Variants in CGNL1 observed in about 807,000 individuals in gnomAD.
The protein encoded by CGNL1 is cingulin like 1, also known as cingulin-like protein 1.
Under a neutral mutation model 141.2 loss-of-function variants are expected in CGNL1, and 132 were observed. The observed-to-expected ratio is 0.93, with a 90% CI of 0.81 to 1.08. The LOEUF is 1.08. Among genes scored for constraint, CGNL1 ranks in the 50% least tolerant of loss-of-function variants. The pLI is 0.00. For missense variants in CGNL1, 1,870 were observed against 1,588.6 expected, an observed-to-expected ratio of 1.18 and a Z score of -3.01; for synonymous variants, 690 against 622.1, an observed-to-expected ratio of 1.11 and a Z score of -1.63.
At chr15:57,446,901 C>G (rs1276965089) in intron 4 of CGNL1, among the ~76,000 whole-genome samples, 1 of 152,140 alleles carries the variant, frequency 6.6e-6, no homozygotes, top group Non-Finnish European at 1.5e-5. Context: ...ACTTGTCTCT[C>G]CTTACACTAC....
intron 10 of CGNL1, among the ~76,000 whole-genome samples, chr15:57,519,967 C>G (rs1037254788): frequency 6.6e-5 from 10 of 152,178 alleles, no homozygotes; most frequent in Non-Finnish European, 1.3e-4. Context: ...CAGGTGATGG[C>G]CTTGGGGCCT....
In CGNL1 at chr15:57,546,258, C is replaced by T. The variant is rs2032862309; in HGVS notation, c.3773+19C>T. The stretch of plus-strand genomic sequence containing the variant: ...ACTTAAGGTGGGCAGGTGTGGAGGC[C>T]ACAGAGGGCCGGGTAATCTCCCCAC... On this transcript the variant is annotated intron_variant, in intron 18 of 18. Transcript: ENST00000281282. 2.6e-6 allele frequency: 4 copies of T among 1,553,198 alleles called. No individual in the cohort carries two copies. The highest frequency in any genetic ancestry group is 3.5e-6 in the Non-Finnish European group (4 of 1,147,960).
chr15:57,494,252 A>G (rs533695965), intron 8 of CGNL1, among the ~76,000 whole-genome samples: 1 of 152,308 alleles, frequency 6.6e-6, no homozygotes, highest in Non-Finnish European at 1.5e-5. Flanking sequence ...TTCTAACTGG[A>G]TAGTGTGTGA....
At chr15:57,481,255 A>ATAC (rs1490171797) in intron 8 of CGNL1, among the ~76,000 whole-genome samples, 1 of 152,142 alleles carries the variant, frequency 6.6e-6, no homozygotes, top group Non-Finnish European at 1.5e-5. Context: ...CATGACCAGG[A>ATAC]TACTGACATT....
chr15:57,492,499 G>C (rs1460993637), intron 8 of CGNL1, among the ~76,000 whole-genome samples: 1 of 152,122 alleles, frequency 6.6e-6, no homozygotes, highest in Non-Finnish European at 1.5e-5. Context: ...AAAGCACATA[G>C]AGTAAAATAA....
intron 18 of CGNL1, among the ~76,000 whole-genome samples, chr15:57,547,076 A>T (rs1249962481): frequency 6.6e-6 from 1 of 152,258 alleles, no homozygotes; most frequent in African/African-American, 2.4e-5. Flanking sequence ...ATTTTAAATT[A>T]AGACAAGATC....
intron 1 of CGNL1, among the ~76,000 whole-genome samples, chr15:57,417,091 T>G (rs2062857156): frequency 6.6e-6 from 1 of 152,234 alleles, no homozygotes; most frequent in South Asian, 2.1e-4. Context: ...CTGGCGGGGT[T>G]GCTGAACAGT....
Position 57,469,905 on chromosome 15 carries a change from CA to C in CGNL1, c.2403+8016del, listed in dbSNP as rs555061960. On this transcript the variant is annotated intron_variant, in intron 8 of 18. Coordinates refer to ENST00000281282, the MANE Select transcript of CGNL1 (RefSeq NM_032866.5). ...CCAAAGCATAAGGTCAGCAGAGGGT[CA>C]AATGGTAAAACCAGTGCTAATCTCA... 5.9e-3 allele frequency among the ~76,000 whole-genome samples: 898 copies of C among 152,314 alleles called. 7 individuals carry two copies. The highest frequency in any genetic ancestry group is 0.02 in the African/African-American group (851 of 41,566).
chr15:57,423,388 A>G (rs1305384281), intron 1 of CGNL1, among the ~76,000 whole-genome samples: 3 of 152,190 alleles, frequency 2.0e-5, no homozygotes, highest in Admixed American at 1.3e-4. Flanking sequence ...CAGATTTCAT[A>G]CTGGGCTGAA....
intron 7 of CGNL1, among the ~76,000 whole-genome samples, chr15:57,461,217 G>A (rs1264249269): frequency 6.6e-6 from 1 of 152,088 alleles, no homozygotes; most frequent in Non-Finnish European, 1.5e-5. Context: ...AGAAAAACAG[G>A]CAAAGTTGTC....
At chr15:57,456,831 A>C (rs987875440) in intron 7 of CGNL1, among the ~76,000 whole-genome samples, 1 of 152,234 alleles carries the variant, frequency 6.6e-6, no homozygotes. Flanking sequence ...GCCTCACTCC[A>C]GCAGAGTCTT....
At chr15:57,502,673 C>T (rs1417285764) in intron 8 of CGNL1, among the ~76,000 whole-genome samples, 3 of 152,158 alleles carry the variant, frequency 2.0e-5, no homozygotes, top group Non-Finnish European at 4.4e-5. Flanking sequence ...AGCCTGTCTT[C>T]AGGCAGTGAT....
At chr15:57,464,120 G>T (rs1261267909) in intron 8 of CGNL1, among the ~76,000 whole-genome samples, 5 of 151,826 alleles carry the variant, frequency 3.3e-5, no homozygotes, top group African/African-American at 7.3e-5. Context: ...TACCTCTGGG[G>T]CCAGACAGGG....
chr15:57,526,509 C>A (rs753963261), intron 12 of CGNL1, among the ~76,000 whole-genome samples: 1 of 151,934 alleles, frequency 6.6e-6, no homozygotes, highest in Non-Finnish European at 1.5e-5. Context: ...TACAGGAGTC[C>A]GTTCTAAGTG....
intron 8 of CGNL1, among the ~76,000 whole-genome samples, chr15:57,474,004 G>A (rs566153501): frequency 4.7e-4 from 67 of 143,312 alleles, no homozygotes; most frequent in Non-Finnish European, 8.0e-4. Flanking sequence ...TCTCCCTCCC[G>A]GGTTCAAGCG....
intron 8 of CGNL1, among the ~76,000 whole-genome samples, chr15:57,473,892 T>C (rs935150274): frequency 8.8e-6 from 1 of 114,244 alleles, no homozygotes; most frequent in Non-Finnish European, 1.8e-5. Flanking sequence ...TTCTTCTTCT[T>C]CTTCTTCTTT....
intron 8 of CGNL1, among the ~76,000 whole-genome samples, chr15:57,468,125 A>G (rs2063532380): frequency 6.6e-6 from 1 of 152,092 alleles, no homozygotes; most frequent in Non-Finnish European, 1.5e-5. Context: ...GTGTGTGTTA[A>G]AGCTGGGTAA....
chr15:57,451,441 A>G (rs115056490), intron 4 of CGNL1, 59 bp from the exon 5 acceptor site: 2 of 1,187,262 alleles, frequency 1.7e-6, no homozygotes, highest in East Asian at 2.4e-5. Flanking sequence ...GAGGGGGAAG[A>G]TAATTAAAAT....
intron 8 of CGNL1, among the ~76,000 whole-genome samples, chr15:57,473,115 G>C (rs190632041): frequency 9.7e-4 from 148 of 152,198 alleles, no homozygotes; most frequent in African/African-American, 3.4e-3. Context: ...AGAATTGGGT[G>C]GTGCAGTGAG....
Sources: allele counts gnomAD v4.1 joint callset (sites outside exome capture counted in the v4.1 genomes callset), GRCh38; gene constraint gnomAD v4.1.1; transcripts MANE v1.5; gene names NCBI Gene and HGNC (gene_info 2026-07-23, HGNC 2026-07-21).